Variants in LRRTM3 observed in about 807,000 individuals in gnomAD.
The protein encoded by LRRTM3 is leucine rich repeat transmembrane neuronal 3.
Under a neutral mutation model 44.7 loss-of-function variants are expected in LRRTM3, and 24 were observed. That is an observed-to-expected ratio of 0.54 (90% CI 0.39 to 0.76). LRRTM3 has a LOEUF of 0.76. LRRTM3 is among the 30% of genes least tolerant of loss of function. The pLI is 0.00. For missense variants in LRRTM3, 587 were observed against 702.2 expected, an observed-to-expected ratio of 0.84 and a Z score of 1.85; for synonymous variants, 277 against 278.7, an observed-to-expected ratio of 0.99 and a Z score of 0.06.
intron 2 of LRRTM3, among the ~76,000 whole-genome samples, chr10:66,997,222 G>A (rs1162981323): frequency 6.6e-6 from 1 of 152,084 alleles, no homozygotes; most frequent in African/African-American, 2.4e-5. Flanking sequence ...CCATAGTTGT[G>A]ACTCACATAT....
intron 2 of LRRTM3, among the ~76,000 whole-genome samples, chr10:66,970,104 C>T (rs540194003): frequency 4.5e-4 from 69 of 152,160 alleles, no homozygotes; most frequent in Admixed American, 2.1e-3. Flanking sequence ...TGTAAAAAAT[C>T]CCAGGGCCAC....
intron 2 of LRRTM3, among the ~76,000 whole-genome samples, chr10:66,998,905 T>C (rs61866231): frequency 0.036 from 5,418 of 152,220 alleles, 145 homozygotes; most frequent in Middle Eastern, 0.058. Flanking sequence ...AGAACACACA[T>C]TCACTTAAAT....
At chr10:66,935,277 A>G (rs1166110377) in intron 2 of LRRTM3, among the ~76,000 whole-genome samples, 1 of 152,098 alleles carries the variant, frequency 6.6e-6, no homozygotes, top group African/African-American at 2.4e-5. Context: ...AATGTGTGAC[A>G]AGATTACAAC....
chr10:67,015,014 A>T (rs937580053), intron 2 of LRRTM3, among the ~76,000 whole-genome samples: 1 of 152,222 alleles, frequency 6.6e-6, no homozygotes, highest in East Asian at 1.9e-4. Context: ...AACCCAAAAC[A>T]TGTTTTCTTT....
At chr10:66,999,336 G>A (rs1451726442) in intron 2 of LRRTM3, among the ~76,000 whole-genome samples, 1 of 152,004 alleles carries the variant, frequency 6.6e-6, no homozygotes, top group Non-Finnish European at 1.5e-5. Flanking sequence ...ATTATCATGG[G>A]CCTTCTGCCT....
At chr10:67,011,408 G>A (rs988685809) in intron 2 of LRRTM3, among the ~76,000 whole-genome samples, 1 of 140,244 alleles carries the variant, frequency 7.1e-6, no homozygotes, top group Non-Finnish European at 1.6e-5. Context: ...TACAAATTCA[G>A]TAGAATACAC....
At chr10:67,081,547 T>C (rs1452366719) in intron 2 of LRRTM3, among the ~76,000 whole-genome samples, 6 of 152,320 alleles carry the variant, frequency 3.9e-5, no homozygotes, top group South Asian at 2.1e-4. Context: ...AATTGACCCA[T>C]TGTTTCCAAC....
chr10:67,033,805 C>G (rs891420923), intron 2 of LRRTM3, among the ~76,000 whole-genome samples: 6 of 152,126 alleles, frequency 3.9e-5, no homozygotes, highest in African/African-American at 1.4e-4. Flanking sequence ...AAGTCTCACT[C>G]TGTCGCCCAG....
intron 2 of LRRTM3, among the ~76,000 whole-genome samples, chr10:67,087,537 T>C (rs1189758250): frequency 6.6e-6 from 1 of 151,776 alleles, no homozygotes; most frequent in Non-Finnish European, 1.5e-5. Flanking sequence ...AAAATAAGTT[T>C]AAAATAAAAT....
At chr10:67,025,791 A>G (rs534945524) in intron 2 of LRRTM3, among the ~76,000 whole-genome samples, 2 of 152,014 alleles carry the variant, frequency 1.3e-5, no homozygotes, top group Admixed American at 6.5e-5. Flanking sequence ...GATGATCGCT[A>G]TAAAGACACA....
intron 2 of LRRTM3, among the ~76,000 whole-genome samples, chr10:67,051,247 T>C (rs1855070823): frequency 6.6e-6 from 1 of 152,240 alleles, no homozygotes; most frequent in African/African-American, 2.4e-5. Flanking sequence ...CTAAATTTTC[T>C]CCCAATTCAA....
chr10:67,020,140 C>T lies in LRRTM3; in HGVS notation c.1537-77447C>T, dbSNP rs550150380. 1.2e-4 allele frequency among the ~76,000 whole-genome samples: 18 copies of T among 152,190 alleles called. No individual in the cohort carries two copies. In the South Asian group the frequency reaches 2.3e-3, roughly 19 times the overall value. On this transcript the variant is annotated intron_variant, in intron 2 of 2. Coordinates refer to ENST00000361320, the MANE Select transcript of LRRTM3 (RefSeq NM_178011.5). ...CATGTTGTCAAAATCAATGAATGGA[C>T]AGAATTATAGTATTTTTTATAATCA...
intron 2 of LRRTM3, among the ~76,000 whole-genome samples, chr10:66,964,020 T>C (rs996367897): frequency 2.1e-4 from 32 of 151,060 alleles, no homozygotes; most frequent in Admixed American, 1.3e-3. Flanking sequence ...CTAATTTTCG[T>C]ATTTTTTTTT....
chr10:66,958,976 G>A (rs1848979757), intron 2 of LRRTM3, among the ~76,000 whole-genome samples: 1 of 152,108 alleles, frequency 6.6e-6, no homozygotes, highest in African/African-American at 2.4e-5. Context: ...GAGAGAGAGT[G>A]TAAATGAATT....
intron 2 of LRRTM3, among the ~76,000 whole-genome samples, chr10:66,996,164 T>A (rs184420360): frequency 1.3e-5 from 2 of 152,262 alleles, no homozygotes; most frequent in East Asian, 3.9e-4. Context: ...GTCTCAAAGC[T>A]CTGTTGATAA....
intron 2 of LRRTM3, among the ~76,000 whole-genome samples, chr10:66,950,857 G>A (rs968979883): frequency 1.3e-5 from 2 of 152,090 alleles, no homozygotes; most frequent in African/African-American, 4.8e-5. Context: ...CAGGGAGTTT[G>A]GTCTTAACCC....
chr10:67,080,948 AAC>A (rs1345480727), intron 2 of LRRTM3, among the ~76,000 whole-genome samples: 5 of 151,164 alleles, frequency 3.3e-5, no homozygotes, highest in African/African-American at 1.2e-4. Context: ...AAAAAAAAAA[AAC>A]AAAGAAGAGG....
intron 2 of LRRTM3, among the ~76,000 whole-genome samples, chr10:67,016,714 A>G (rs143083081): frequency 6.4e-4 from 97 of 152,252 alleles, no homozygotes; most frequent in Non-Finnish European, 1.1e-3. Flanking sequence ...TTGATTATCT[A>G]TTTCAATATT....
At chr10:67,015,230 A>G (rs1331535711) in intron 2 of LRRTM3, 3 of 152,132 alleles carry the variant, frequency 2.0e-5, no homozygotes, top group African/African-American at 7.2e-5. Context: ...TACCATTTAT[A>G]TGCTATTCTC....
Sources: allele counts gnomAD v4.1 joint callset (sites outside exome capture counted in the v4.1 genomes callset), GRCh38; gene constraint gnomAD v4.1.1; transcripts MANE v1.5; gene names NCBI Gene and HGNC (gene_info 2026-07-23, HGNC 2026-07-21).